The following TONSL variants were observed in gnomAD, a reference collection of about 807,000 sequenced individuals.
TONSL encodes the protein tonsoku-like protein.
A neutral mutation model predicts 147.1 loss-of-function variants in TONSL; 112 were observed. The ratio of observed to expected loss-of-function variants is 0.76; its 90% CI spans 0.65 to 0.89. The LOEUF is 0.89. Ranked by LOEUF, TONSL falls within the 40% of genes least tolerant of loss-of-function variation. The probability of loss-of-function intolerance (pLI) is 0.00; values close to 1 mark genes in which losing one functional copy is unlikely to be tolerated. For missense variants in TONSL, 1,883 were observed against 1,864.6 expected (o/e 1.01, Z -0.18); for synonymous variants, 868 against 801.5 (o/e 1.08, Z -1.40).
intron 13 of TONSL, 106 bp downstream of exon 13, chr8:144,438,365 A>T: frequency 7.8e-7 from 1 of 1,282,192 alleles, no homozygotes; most frequent in Non-Finnish European, 1.1e-6. Context: ...AAGGGGCCCC[A>T]TTTTGAAGAT....
Position 144,442,676 on chromosome 8 carries a change from C to A in TONSL, c.578+1G>T, listed in dbSNP as rs1229279957. 1.2e-6 allele frequency: 2 copies of A among 1,612,154 alleles called. No homozygotes were observed. On this transcript the variant is annotated splice_donor_variant, in intron 5 of 25. Transcript: ENST00000409379. LOFTEE classifies it high-confidence loss of function. ...CCTCCTGGGGCGGGGCAGGGCCTTACTCCGCAAGGAAGATGCTCTTCCTGA... is the reference window on the plus strand; with the variant it reads ...CCTCCTGGGGCGGGGCAGGGCCTTAATCCGCAAGGAAGATGCTCTTCCTGA...
chr8:144,436,422 T>G lies in TONSL; in HGVS notation c.2015-4A>C. The stretch of plus-strand genomic sequence containing the variant: ...AAGGCCTGGGAGCTGTGGGGATCTG[T>G]GGGAGAGAGAATGCGTGTTGAGGCA... On this transcript the variant is annotated splice_polypyrimidine_tract_variant and splice_region_variant and intron_variant, in intron 16 of 25. Transcript: ENST00000409379. 2 of 1,519,950 alleles carry G rather than the reference T, an allele frequency of 1.3e-6. No homozygotes were observed. The highest frequency in any genetic ancestry group is 8.8e-7 in the Non-Finnish European group (1 of 1,138,764). The allele number at this position is 1,519,950 out of a possible 1,614,324, so 94.2% of individuals were successfully genotyped here.
Position 144,432,267 on chromosome 8 carries a change from T to G in TONSL, c.3735+18A>C. The G allele has an allele frequency of 6.2e-7, 1 of 1,611,840 alleles. No homozygotes were observed. The highest frequency in any genetic ancestry group is 8.5e-7 in the Non-Finnish European group (1 of 1,179,142). On this transcript the variant is annotated intron_variant, in intron 23 of 25. Transcript: ENST00000409379. ...CCTCTGAGGCTCAGTATTTTCTGGG[T>G]TCTTCCCCACCTCGTACCTTGGCCA...
intron 23 of TONSL, among the ~76,000 whole-genome samples, chr8:144,431,686 G>C (rs1564726270): frequency 1.3e-5 from 2 of 151,588 alleles, no homozygotes; most frequent in Non-Finnish European, 2.9e-5. Context: ...CTAATTTTTT[G>C]TATTTTTTAG....
rs371273544 is a variant in TONSL, at chr8:144,436,019, C to T, written c.2414G>A (p.Arg805Gln). 2.8e-5 allele frequency: 44 copies of T among 1,553,928 alleles called. No individual in the cohort carries two copies. Among genetic ancestry groups the T allele is most frequent in the Admixed American group, 1.8e-4 (10 of 55,334 alleles). Reference sequence around the variant, plus strand: ...GCCCCGCGGTGGGCCAGGCCCCAGCCGGCTCTGAGCACTGCCCACACCCCG... The same window carrying T: ...GCCCCGCGGTGGGCCAGGCCCCAGCTGGCTCTGAGCACTGCCCACACCCCG... The part of the protein sequence containing the change: ...AIRGVGSAQS[R>Q]LGPGPPRGHS... Residue 805 changes from arginine to glutamine, a missense_variant, in exon 17 of 26, where the codon CGG (arginine) becomes CAG (glutamine). Arg to Gln is a conservative substitution (Grantham distance 43). Transcript: ENST00000409379.
chr8:144,441,957 C>T, intron 7 of TONSL, 80 bp downstream of exon 7: 2 of 1,270,442 alleles, frequency 1.6e-6, no homozygotes, highest in Non-Finnish European at 2.3e-6. Context: ...GCCCTGTACA[C>T]ACCTGGCGGG....
chr8:144,443,165 A>G lies in TONSL; in HGVS notation c.421T>C (p.Leu141=), dbSNP rs1823784398. The change falls in exon 4 of 26, where the codon TTG becomes CTG. Residue 141 remains leucine, a synonymous_variant. Transcript: ENST00000409379. ...TCCAGCTCCTCATCCACAATAGCCA[A>G]GCTCTTCTCAAAGGCAGCCTGTGCC... ...LQAQAAFEKS[L]AIVDEELEGT... 1 of 1,550,686 alleles carries G rather than the reference A, an allele frequency of 6.4e-7. No individual in the cohort carries two copies. Among genetic ancestry groups the G allele is most frequent in the Non-Finnish European group, 8.7e-7 (1 of 1,146,968 alleles).
rs562882991 is a variant in TONSL at position 144,441,150 on chromosome 8, G to T, written c.866-39C>A. The stretch of plus-strand genomic sequence containing the variant: ...GTTCATGCAGGGGGGCAGCACAGGG[G>T]GCCCTGACCCCAGCTCTACCACCTG... On this transcript the variant is annotated intron_variant, in intron 7 of 25. Coordinates refer to ENST00000409379, the MANE Select transcript of TONSL (RefSeq NM_013432.5). 6.2e-6 allele frequency: 10 copies of T among 1,604,502 alleles called. No homozygotes were observed. In the East Asian group the frequency reaches 1.3e-4, roughly 22 times the overall value.
At chr8:144,444,116 C>A in intron 2 of TONSL, 64 bp downstream of exon 2, 1 of 1,304,216 alleles carries the variant, frequency 7.7e-7, no homozygotes, top group Non-Finnish European at 9.7e-7. Flanking sequence ...CGCCCCCCGG[C>A]CCCCGATCCC....
At position 144,441,046 on chromosome 8, in the gene TONSL, T is replaced by C. The variant is rs1823697543; in HGVS notation, c.931A>G (p.Met311Val). 2 of 1,613,008 alleles carry C rather than the reference T, an allele frequency of 1.2e-6. No homozygotes were observed. Among genetic ancestry groups the C allele is most frequent in the East Asian group, 2.2e-5 (1 of 44,884 alleles). ...EAEGRDPQGA[M>V]VICEQLGDLF... ...TCCCCTAGCTGCTCACAGATGACCA[T>C]GGCACCCTGAGGGTCTCTGCCCTCA... The change falls in exon 8 of 26, where the codon ATG (methionine) becomes GTG (valine). Residue 311 changes from methionine to valine, a missense_variant. Coordinates refer to ENST00000409379, the MANE Select transcript of TONSL (RefSeq NM_013432.5).
chr8:144,429,419 T>C (rs1173586016), intron 25 of TONSL, 83 bp from the exon 26 acceptor site: 7 of 1,275,960 alleles, frequency 5.5e-6, no homozygotes, highest in Non-Finnish European at 7.1e-6. Context: ...GGGAACAAAC[T>C]CGCTTTCGCT....
chr8:144,439,720 C>A, intron 11 of TONSL: 1 of 446,502 alleles, frequency 2.2e-6, no homozygotes, highest in South Asian at 3.3e-5. Context: ...GCAGCCGGGG[C>A]TCTTCAAAGT....
Position 144,444,255 on chromosome 8 carries a change from T to C in TONSL, c.46A>G (p.Lys16Glu). The change falls in exon 2 of 26, where the codon AAG (lysine) becomes GAG (glutamate). Residue 16 changes from lysine (K) to glutamate (E), a missense_variant. Physicochemically the swap from Lys to Glu is moderately conservative, Grantham distance 56 (BLOSUM62 1). Coordinates refer to ENST00000409379, the MANE Select transcript of TONSL (RefSeq NM_013432.5). Reference protein sequence around the residue: ...ELRQLSKAKAKAQRAGQRREE... With the variant: ...ELRQLSKAKAEAQRAGQRREE... ...CGCCGCTGCCCGGCCCTCTGCGCCT[T>C]GGCTTTCGCCTTGCTCAGCTCTGTG... The C allele has an allele frequency of 2.1e-6, 3 of 1,454,472 alleles. No homozygotes were observed. Among genetic ancestry groups the C allele is most frequent in the Non-Finnish European group, 2.7e-6 (3 of 1,105,422 alleles). The allele number at this position is 1,454,472 out of a possible 1,614,324, so 90.1% of individuals were successfully genotyped here.
In TONSL at chr8:144,436,865, C is replaced by T; in HGVS notation, c.1782G>A (p.Gln594=). ...HGAAVDDPGG[Q]GCEGITPLHD... ...GGAGGGGGGTGATGCCTTCGCAGCC[C>T]TGGCCACCTGGGTCGTCCACTGCGG... The change falls in exon 15 of 26, where the codon CAG becomes CAA. Residue 594 remains glutamine, a synonymous_variant. Coordinates refer to ENST00000409379, the MANE Select transcript of TONSL (RefSeq NM_013432.5). The T allele has an allele frequency of 1.2e-6, 2 of 1,610,102 alleles. No individual in the cohort carries two copies. Among genetic ancestry groups the T allele is most frequent in the Non-Finnish European group, 1.7e-6 (2 of 1,179,846 alleles).
intron 12 of TONSL, 29 bp downstream of exon 12, chr8:144,438,624 G>T: frequency 6.2e-7 from 1 of 1,612,720 alleles, no homozygotes; most frequent in Non-Finnish European, 8.5e-7. Context: ...TGCTGAGCGG[G>T]GTGGGTGGGG....
rs1823493844 is a variant in TONSL at position 144,437,019 on chromosome 8, T to C, written c.1726+8A>G. The stretch of plus-strand genomic sequence containing the variant: ...AGGTGCGCCAGGCTCCTTCTGTCCC[T>C]TGCTCACCTAGATGCCCGTAGTTGC... On this transcript the variant is annotated splice_region_variant and intron_variant, in intron 14 of 25. Coordinates refer to ENST00000409379, the MANE Select transcript of TONSL (RefSeq NM_013432.5). 6.2e-7 allele frequency: 1 copy of C among 1,613,210 alleles called. No individual in the cohort carries two copies. Among genetic ancestry groups the C allele is most frequent in the Non-Finnish European group, 8.5e-7 (1 of 1,179,900 alleles).
At chr8:144,436,506 G>A (rs1045676880) in intron 16 of TONSL, 52 bp downstream of exon 16, 20 of 1,585,958 alleles carry the variant, frequency 1.3e-5, no homozygotes, top group East Asian at 2.2e-5. Flanking sequence ...CAGGGCCCGG[G>A]GACTCTCAGC....
Position 144,442,373 on chromosome 8 carries a change from G to A in TONSL, c.618C>T (p.Tyr206=). 2 of 1,579,444 alleles carry A rather than the reference G, an allele frequency of 1.3e-6. No homozygotes were observed. The highest frequency in any genetic ancestry group is 1.7e-6 in the Non-Finnish European group (2 of 1,159,502). ...CGCGCCAGTGGATGGTGCCCAGGTT[G>A]TAGCGGGCGCGGAATAGGTCCTCGT... ...HLYEDLFRAR[Y]NLGTIHWRAG... is the part of the protein sequence containing the mutation. Residue 206 remains tyrosine, a synonymous_variant, in exon 6 of 26, where the codon TAC becomes TAT. Coordinates refer to ENST00000409379, the MANE Select transcript of TONSL (RefSeq NM_013432.5).
Position 144,436,611 on chromosome 8 carries a change from C to G in TONSL, c.1961G>C (p.Arg654Pro). ...LYRRDLDLET[R>P]QKARAMEMLL... Reference sequence around the variant, plus strand: ...CATCTCCATGGCCCTGGCCTTCTGCCGCGTCTCCAGGTCCAGGTCCCTGCG... The same window carrying G: ...CATCTCCATGGCCCTGGCCTTCTGCGGCGTCTCCAGGTCCAGGTCCCTGCG... The change falls in exon 16 of 26, where the codon CGG becomes CCG. Residue 654 changes from arginine to proline, a missense_variant. Coordinates refer to ENST00000409379, the MANE Select transcript of TONSL (RefSeq NM_013432.5). 6.2e-7 allele frequency: 1 copy of G among 1,611,904 alleles called. No individual in the cohort carries two copies. Among genetic ancestry groups the G allele is most frequent in the Non-Finnish European group, 8.5e-7 (1 of 1,179,954 alleles).
Sources: gnomAD v4.1 joint callset for allele counts (sites outside exome capture counted in the v4.1 genomes callset) on GRCh38, gnomAD v4.1.1 for gene constraint, MANE v1.5 for transcripts, NCBI Gene and HGNC (gene_info 2026-07-23, HGNC 2026-07-21) for gene names.